The following ULK4 variants were observed in gnomAD, a reference collection of about 807,000 sequenced individuals.
ULK4 encodes unc-51 like kinase 4.
Under a neutral mutation model 160.6 loss-of-function variants are expected in ULK4, and 133 were observed. The observed-to-expected ratio is 0.83, with a 90% CI of 0.72 to 0.96. ULK4 has a LOEUF of 0.96. Among genes scored for constraint, ULK4 ranks in the 40% least tolerant of loss-of-function variants. ULK4 has a pLI of 0.00. For synonymous variants in ULK4, 534 were observed against 539.8 expected (o/e 0.99, Z 0.15); for missense variants, 1,580 against 1,499.5 (o/e 1.05, Z -0.89).
intron 19 of ULK4, among the ~76,000 whole-genome samples, chr3:41,804,963 C>T (rs1291150733): frequency 6.6e-5 from 10 of 152,036 alleles, no homozygotes; most frequent in Middle Eastern, 3.4e-3. Flanking sequence ...CTTGGCGATG[C>T]GGGCTCTTTT....
At chr3:41,719,134 G>A (rs895532193) in intron 22 of ULK4, among the ~76,000 whole-genome samples, 5 of 152,100 alleles carry the variant, frequency 3.3e-5, no homozygotes, top group South Asian at 2.1e-4. Flanking sequence ...CACTCCTGCC[G>A]TTCCTCTATC....
chr3:41,800,929 T>G lies in ULK4; in HGVS notation c.1849-636A>C, dbSNP rs1000800440. On this transcript the variant is annotated intron_variant, in intron 19 of 36. Transcript: ENST00000301831. ...AAAGCCCAGAAGTACTTACAGAAAT[T>G]TTAAAAAGTTCCGCATCCAATGATA... Among the ~76,000 whole-genome samples, 30 of 152,178 alleles carry G rather than the reference T, an allele frequency of 2.0e-4. 1 individual carries two copies. Among genetic ancestry groups the G allele is most frequent in the Admixed American group, 2.0e-3 (30 of 15,272 alleles).
intron 31 of ULK4, among the ~76,000 whole-genome samples, chr3:41,574,645 C>T (rs2088126111): frequency 6.7e-6 from 1 of 148,412 alleles, no homozygotes. Flanking sequence ...GGGTTCATGC[C>T]ATTCTCCTGC....
At chr3:41,815,036 G>A (rs1445808838) in intron 19 of ULK4, among the ~76,000 whole-genome samples, 3 of 151,470 alleles carry the variant, frequency 2.0e-5, no homozygotes, top group East Asian at 3.9e-4. Flanking sequence ...AGCCTCCCGA[G>A]TAGCTGGAAT....
At chr3:41,634,689 G>A (rs2033881435) in intron 30 of ULK4, among the ~76,000 whole-genome samples, 1 of 152,166 alleles carries the variant, frequency 6.6e-6, no homozygotes, top group South Asian at 2.1e-4. Flanking sequence ...TGAGCGATTT[G>A]GGTATAGTGT....
chr3:41,729,211 T>G (rs2037746053), intron 22 of ULK4, among the ~76,000 whole-genome samples: 1 of 152,072 alleles, frequency 6.6e-6, no homozygotes. Context: ...CCAATTGGGA[T>G]CAACTCGGAA....
At chr3:41,256,828 G>C (rs369772426) in intron 35 of ULK4, among the ~76,000 whole-genome samples, 146 of 152,242 alleles carry the variant, frequency 9.6e-4, no homozygotes, top group African/African-American at 3.3e-3. Context: ...ATCTGATAAA[G>C]GACTTATATC....
chr3:41,794,691 G>GAA (rs148265682), intron 20 of ULK4, among the ~76,000 whole-genome samples: 4,035 of 64,332 alleles, frequency 0.063, 305 homozygotes, highest in African/African-American at 0.19. Flanking sequence ...AAAAAACACA[G>GAA]AAAAAAAAAC....
At chr3:41,565,243 T>A (rs1318661412) in intron 32 of ULK4, among the ~76,000 whole-genome samples, 1 of 152,192 alleles carries the variant, frequency 6.6e-6, no homozygotes, top group African/African-American at 2.4e-5. Context: ...TGTACATGAT[T>A]TTTAGAATTT....
At chr3:41,831,320 A>C (rs943907559) in intron 18 of ULK4, among the ~76,000 whole-genome samples, 2 of 151,818 alleles carry the variant, frequency 1.3e-5, no homozygotes, top group Admixed American at 1.3e-4. Flanking sequence ...ATCACATAAA[A>C]AGAAGAGGGA....
chr3:41,587,087 T>G (rs987339130), intron 31 of ULK4, among the ~76,000 whole-genome samples: 1 of 152,122 alleles, frequency 6.6e-6, no homozygotes, highest in Non-Finnish European at 1.5e-5. Flanking sequence ...GGAAGAATCC[T>G]CTTCTAAGCT....
chr3:41,775,263 T>A (rs1017557600), intron 21 of ULK4, among the ~76,000 whole-genome samples: 6 of 150,714 alleles, frequency 4.0e-5, no homozygotes, highest in African/African-American at 1.5e-4. Flanking sequence ...TTTATATTTT[T>A]AAATAATTGT....
Position 41,831,531 on chromosome 3 carries a change from A to ATATATATTTTTTT in ULK4, c.1764+4332_1764+4333insAAAAAAATATATA. On this transcript the variant is annotated intron_variant, in intron 18 of 36. Transcript: ENST00000301831. ...TTATTGTTATTTTATATATATATAT[A>ATATATATTTTTTT]TTTTTTTTTCTTTCTTAAACTTTAG... 2.5e-4 allele frequency among the ~76,000 whole-genome samples: 35 copies of ATATATATTTTTTT among 138,066 alleles called. 1 individual carries two copies. The highest frequency in any genetic ancestry group is 9.7e-4 in the African/African-American group (34 of 35,200). 90.6% of individuals were successfully genotyped at this position (138,066 alleles called of 152,430 possible).
chr3:41,267,029 G>GC (rs2079049493), intron 35 of ULK4, among the ~76,000 whole-genome samples: 1 of 134,208 alleles, frequency 7.5e-6, no homozygotes, highest in African/African-American at 2.8e-5. Flanking sequence ...GGGGGGGGGG[G>GC]GTTTAAGGCT....
chr3:41,312,384 T>C (rs1198824432), intron 35 of ULK4, among the ~76,000 whole-genome samples: 1 of 152,162 alleles, frequency 6.6e-6, no homozygotes, highest in Non-Finnish European at 1.5e-5. Context: ...GCAGTTCAAT[T>C]AGAAGTCAAT....
At chr3:41,680,124 A>G (rs2035872245) in intron 29 of ULK4, among the ~76,000 whole-genome samples, 1 of 152,246 alleles carries the variant, frequency 6.6e-6, no homozygotes, top group Non-Finnish European at 1.5e-5. Flanking sequence ...CATAAAATGC[A>G]CTAAAAACAT....
chr3:41,632,935 G>C (rs1055280668), intron 30 of ULK4, among the ~76,000 whole-genome samples: 2 of 152,166 alleles, frequency 1.3e-5, no homozygotes, highest in East Asian at 1.9e-4. Context: ...TCTGACAGCA[G>C]GTGGAGGAAA....
chr3:41,814,455 G>A (rs901778669), intron 19 of ULK4, among the ~76,000 whole-genome samples: 11 of 152,124 alleles, frequency 7.2e-5, no homozygotes, highest in African/African-American at 2.4e-4. Context: ...ATATACTTGG[G>A]CGGGTGGTGA....
intron 17 of ULK4, among the ~76,000 whole-genome samples, chr3:41,873,616 C>T (rs538856379): frequency 3.3e-5 from 5 of 152,244 alleles, no homozygotes; most frequent in African/African-American, 9.6e-5. Context: ...CGCAGTTGTG[C>T]GATCTCAGCT....
Sources: allele counts gnomAD v4.1 joint callset (sites outside exome capture counted in the v4.1 genomes callset), GRCh38; gene constraint gnomAD v4.1.1; transcripts MANE v1.5; gene names NCBI Gene and HGNC (gene_info 2026-07-23, HGNC 2026-07-21).